TEX9: variants seen among roughly 807,000 people sequenced by gnomAD.
TEX9 encodes testis-expressed protein 9.
A neutral mutation model predicts 59.6 loss-of-function variants in TEX9; 74 were observed. The ratio of observed to expected loss-of-function variants is 1.24; its 90% CI spans 1.03 to 1.51. TEX9 has a LOEUF of 1.51. Among genes scored for constraint, TEX9 ranks in the 40% most tolerant of loss-of-function variants. TEX9 has a pLI of 0.00. For synonymous variants in TEX9, 186 were observed against 152.2 expected (o/e 1.22, Z -1.64); for missense variants, 522 against 447.8 (o/e 1.17, Z -1.49).
intron 1 of TEX9, among the ~76,000 whole-genome samples, chr15:56,252,747 G>A (rs1438590145): frequency 6.6e-6 from 1 of 152,034 alleles, no homozygotes; most frequent in Non-Finnish European, 1.5e-5. Flanking sequence ...GATCCCCCGG[G>A]CTTCCAAATT....
In TEX9 at chr15:56,386,946, TA is replaced by T. The variant is rs371289105; in HGVS notation, c.264-1525del. Among the ~76,000 whole-genome samples the T allele has an allele frequency of 1.0e-3, 158 of 152,098 alleles. 1 individual carries two copies. The highest frequency in any genetic ancestry group is 3.6e-3 in the African/African-American group (151 of 41,544). ...CATTCATTTCAGGTTGGAACAATGA[TA>T]TTCCACCTAAATAATTATAATTAGG... On this transcript the variant is annotated intron_variant, in intron 4 of 12. Coordinates refer to ENST00000352903, the Ensembl canonical transcript of TEX9.
chr15:56,244,748 G>T (rs1161268429), intron 1 of TEX9, among the ~76,000 whole-genome samples: 1 of 151,992 alleles, frequency 6.6e-6, no homozygotes, highest in Non-Finnish European at 1.5e-5. Context: ...TGGAGGCTCA[G>T]GCGTCAGCCA....
intron 1 of TEX9, among the ~76,000 whole-genome samples, chr15:56,248,231 AG>A (rs777945513): frequency 1.3e-4 from 20 of 152,240 alleles, no homozygotes; most frequent in Non-Finnish European, 2.5e-4. Flanking sequence ...TTCAGAACTA[AG>A]TTAATATTGG....
At chr15:56,300,686 A>AGAGAGAGAGAGAGAGAGAGAGG in intron 1 of TEX9, among the ~76,000 whole-genome samples, 1 of 40,654 alleles carries the variant, frequency 2.5e-5, no homozygotes, top group African/African-American at 1.0e-4. Flanking sequence ...GCAACTCAGC[A>AGAGAGAGAGAGAGAGAGAGAGG]GAGAGAGAGA....
intron 5 of TEX9, 151 bp from the exon 6 acceptor site, chr15:56,389,167 G>A: frequency 4.4e-6 from 3 of 679,158 alleles, no homozygotes; most frequent in East Asian, 2.8e-5. Context: ...CTATACAGTT[G>A]TGATATTCTT....
rs10152906 is a variant in TEX9, at chr15:56,250,972, A to G, written c.-107+6694A>G. On this transcript the variant is annotated intron_variant, in intron 1 of 5. Transcript: ENST00000560827. ...GTCAACTTGGCTAGGCCAAGGAACCATGACACTTACCACACTCTGTAAGTC... is the reference window on the plus strand; with the variant it reads ...GTCAACTTGGCTAGGCCAAGGAACCGTGACACTTACCACACTCTGTAAGTC... Among the ~76,000 whole-genome samples, 1,416 of 152,322 alleles carry G rather than the reference A, an allele frequency of 9.3e-3. 25 individuals are homozygous for G. The highest frequency in any genetic ancestry group is 0.032 in the African/African-American group (1,349 of 41,568).
At chr15:56,438,390 G>C (rs1376807669) in intron 12 of TEX9, among the ~76,000 whole-genome samples, 3 of 152,012 alleles carry the variant, frequency 2.0e-5, no homozygotes, top group Admixed American at 2.0e-4. Flanking sequence ...ACAAGCAATA[G>C]GGAAAGGAGT....
chr15:56,310,543 T>C (rs1249168868), intron 1 of TEX9, among the ~76,000 whole-genome samples: 2 of 152,222 alleles, frequency 1.3e-5, no homozygotes, highest in East Asian at 3.9e-4. Flanking sequence ...AAGTAGAGCT[T>C]GGTCAAGGAC....
intron 1 of TEX9, among the ~76,000 whole-genome samples, chr15:56,272,950 G>T (rs1249856498): frequency 5.2e-4 from 75 of 145,292 alleles, no homozygotes; most frequent in East Asian, 1.8e-3. Context: ...TTTTTTTGTT[G>T]TTGTTGTTGT....
chr15:56,316,925 C>T (rs995910039), intron 1 of TEX9, among the ~76,000 whole-genome samples: 6 of 152,302 alleles, frequency 3.9e-5, no homozygotes, highest in South Asian at 2.1e-4. Context: ...AGGTGCCGTC[C>T]GTCACCCCTT....
intron 2 of TEX9, among the ~76,000 whole-genome samples, chr15:56,371,339 T>C (rs1223179592): frequency 6.6e-6 from 1 of 152,222 alleles, no homozygotes; most frequent in Non-Finnish European, 1.5e-5. Context: ...CTGTCAAATT[T>C]CCTTGAGTTC....
upstream of TEX9, among the ~76,000 whole-genome samples, chr15:56,361,143 A>G (rs554546590): frequency 1.5e-4 from 23 of 152,372 alleles, no homozygotes; most frequent in East Asian, 4.2e-3. Context: ...TAGCACAGCT[A>G]TAAGTTTATT....
chr15:56,340,912 A>G (rs2046360326), intron 1 of TEX9, among the ~76,000 whole-genome samples: 1 of 152,128 alleles, frequency 6.6e-6, no homozygotes, highest in Non-Finnish European at 1.5e-5. Context: ...TTTAACAAAA[A>G]TGAGTGGGCC....
At chr15:56,419,451 G>C (rs2049860121) in intron 10 of TEX9, among the ~76,000 whole-genome samples, 1 of 151,824 alleles carries the variant, frequency 6.6e-6, no homozygotes, top group Non-Finnish European at 1.5e-5. Flanking sequence ...ACTGACTGCA[G>C]TTTCCTGAGA....
At chr15:56,380,935 C>T (rs1240344859) in intron 3 of TEX9, among the ~76,000 whole-genome samples, 1 of 152,036 alleles carries the variant, frequency 6.6e-6, no homozygotes, top group African/African-American at 2.4e-5. Flanking sequence ...GTTCTATAGT[C>T]TTCTTTTACT....
intron 10 of TEX9, among the ~76,000 whole-genome samples, chr15:56,423,413 T>A (rs1596232895): frequency 6.6e-6 from 1 of 152,190 alleles, no homozygotes; most frequent in African/African-American, 2.4e-5. Context: ...GATTTCTAGT[T>A]TGAATCAACT....
intron 1 of TEX9, among the ~76,000 whole-genome samples, chr15:56,316,813 G>A (rs1168642062): frequency 7.9e-5 from 12 of 152,214 alleles, no homozygotes; most frequent in African/African-American, 2.7e-4. Flanking sequence ...CTCCGTGAGC[G>A]TAGGACCCTC....
At chr15:56,250,482 T>C (rs566964616) in intron 1 of TEX9, among the ~76,000 whole-genome samples, 7 of 152,304 alleles carry the variant, frequency 4.6e-5, no homozygotes, top group African/African-American at 1.7e-4. Flanking sequence ...ACTGGTCTAA[T>C]TGGAGTGAAC....
At position 56,330,224 on chromosome 15, in the gene TEX9, C is replaced by G. The variant is rs558671909; in HGVS notation, c.-106-43217C>G. ...AAGAAGAAATAAACACTTTCCCTGA[C>G]AAACAGAAGCTAAGGGATTTTGTCA... On this transcript the variant is annotated intron_variant, in intron 1 of 5. Coordinates refer to the TEX9 transcript ENST00000560827. Among the ~76,000 whole-genome samples the G allele has an allele frequency of 7.2e-5, 11 of 152,162 alleles. No individual in the cohort carries two copies. The South Asian group carries it at 2.1e-3, about 29-fold the overall frequency.
Sources: gnomAD v4.1 joint callset for allele counts (sites outside exome capture counted in the v4.1 genomes callset) on GRCh38, gnomAD v4.1.1 for gene constraint, MANE v1.5 for transcripts, NCBI Gene and HGNC (gene_info 2026-07-23, HGNC 2026-07-21) for gene names.